PUDP: variants seen among roughly 807,000 people sequenced by gnomAD.
PUDP encodes the protein pseudouridine-5'-phosphatase.
PUDP carries 8 observed loss-of-function variants against 9.4 expected under a neutral mutation model. That is an observed-to-expected ratio of 0.85 (90% CI 0.50 to 1.53). PUDP has a LOEUF of 1.53. Ranked by LOEUF, PUDP falls within the 40% of genes most tolerant of loss-of-function variation. The probability of loss-of-function intolerance (pLI) is 0.00; values close to 1 mark genes in which losing one functional copy is unlikely to be tolerated. For missense variants in PUDP, 188 were observed against 189.7 expected (o/e 0.99, Z 0.05); for synonymous variants, 99 against 80.7 (o/e 1.23, Z -1.22).
intron 1 of PUDP, among the ~76,000 whole-genome samples, chrX:7,036,901 T>C (rs1265285953): frequency 8.9e-6 from 1 of 112,484 alleles, no homozygotes; most frequent in Non-Finnish European, 1.9e-5. Context: ...TATTGCTTCT[T>C]TAAATTCTCA....
chrX:6,904,187 G>C (rs1325343361), intron 3 of PUDP, among the ~76,000 whole-genome samples: 1 of 110,208 alleles, frequency 9.1e-6, no homozygotes, highest in African/African-American at 3.3e-5. Context: ...CCTGGCCTCA[G>C]GTGATCCATC....
intron 3 of PUDP, among the ~76,000 whole-genome samples, chrX:7,055,303 G>C (rs1304868529): frequency 1.8e-5 from 2 of 111,203 alleles, no homozygotes; most frequent in Middle Eastern, 4.2e-3. Context: ...CCAGGCTGGA[G>C]TGCAATGGCA....
chrX:7,147,287 C>T (rs1427171482), intron 1 of PUDP, among the ~76,000 whole-genome samples: 1 of 111,346 alleles, frequency 9.0e-6, no homozygotes, highest in Admixed American at 9.5e-5. Context: ...GTGATGTCCC[C>T]GGTGCTGGTC....
upstream of PUDP, among the ~76,000 whole-genome samples, chrX:6,722,116 C>CA (rs768836556): frequency 6.1e-3 from 591 of 97,486 alleles, 4 homozygotes; most frequent in Non-Finnish European, 0.011. Context: ...ATCGCACTAC[C>CA]AAAAAAAAAA....
chrX:6,728,935 G>C (rs1439878575), intron 3 of PUDP, among the ~76,000 whole-genome samples: 1 of 111,080 alleles, frequency 9.0e-6, no homozygotes, highest in Non-Finnish European at 1.9e-5. Context: ...TTATGACCAT[G>C]ATGGTTCTGA....
intron 1 of PUDP, among the ~76,000 whole-genome samples, chrX:7,141,634 T>C (rs1436765474): frequency 8.8e-6 from 1 of 113,026 alleles, no homozygotes; most frequent in Non-Finnish European, 1.9e-5. Flanking sequence ...CCGATGAAAG[T>C]GGCTACACTA....
At chrX:6,948,368 C>T (rs1928500572) in intron 3 of PUDP, among the ~76,000 whole-genome samples, 1 of 111,986 alleles carries the variant, frequency 8.9e-6, no homozygotes, top group African/African-American at 3.2e-5. Flanking sequence ...CACTGCCCTT[C>T]CAGCCCCTCA....
chrX:7,041,100 G>T, intron 1 of PUDP, among the ~76,000 whole-genome samples: 1 of 112,149 alleles, frequency 8.9e-6, no homozygotes, highest in Non-Finnish European at 1.9e-5. Context: ...GTCATGTTCT[G>T]AGGGGATTTG....
At chrX:6,925,708 A>G (rs1391716755) in intron 3 of PUDP, among the ~76,000 whole-genome samples, 1 of 111,958 alleles carries the variant, frequency 8.9e-6, no homozygotes, top group African/African-American at 3.2e-5. Context: ...GGAGGTGTAC[A>G]TTGGTTTAGT....
chrX:6,833,660 C>A (rs1034502245), intron 3 of PUDP, among the ~76,000 whole-genome samples: 16 of 112,109 alleles, frequency 1.4e-4, no homozygotes, highest in African/African-American at 4.9e-4. Flanking sequence ...GATAGTCTGA[C>A]TGACAGCTAT....
upstream of PUDP, among the ~76,000 whole-genome samples, chrX:6,723,429 T>G (rs1367720708): frequency 4.0e-5 from 2 of 50,442 alleles, no homozygotes; most frequent in East Asian, 5.2e-4. Context: ...AGAGAGGCTC[T>G]GTCAAAAAAA....
chrX:6,736,140 G>GA (rs955955521), intron 3 of PUDP, among the ~76,000 whole-genome samples: 9 of 108,137 alleles, frequency 8.3e-5, no homozygotes, highest in Non-Finnish European at 1.2e-4. Flanking sequence ...CTTCATTCAA[G>GA]AAAAAAAAAC....
intron 3 of PUDP, among the ~76,000 whole-genome samples, chrX:6,845,440 TCAACCTCG>T (rs1247348762): frequency 8.9e-6 from 1 of 111,973 alleles, no homozygotes; most frequent in Non-Finnish European, 1.9e-5. Context: ...TGTATGACAA[TCAACCTCG>T]CAGTCCATTC....
intron 1 of PUDP, among the ~76,000 whole-genome samples, chrX:7,119,752 T>G (rs1396072638): frequency 8.9e-6 from 1 of 112,088 alleles, no homozygotes; most frequent in Non-Finnish European, 1.9e-5. Context: ...CATATTTAAA[T>G]TTAAAAAATC....
chrX:6,941,097 A>G (rs1244503252), intron 3 of PUDP, among the ~76,000 whole-genome samples: 2 of 111,269 alleles, frequency 1.8e-5, no homozygotes, highest in African/African-American at 6.5e-5. Flanking sequence ...TAATGCTACA[A>G]TAGAGTGTAG....
At chrX:6,750,432 C>T (rs1468026833) in intron 3 of PUDP, among the ~76,000 whole-genome samples, 1 of 110,038 alleles carries the variant, frequency 9.1e-6, no homozygotes, top group African/African-American at 3.3e-5. Flanking sequence ...TGCATTACTC[C>T]CAAACGAAGA....
chrX:6,971,545 T>C (rs1037264549), intron 3 of PUDP, among the ~76,000 whole-genome samples: 2 of 106,437 alleles, frequency 1.9e-5, no homozygotes, highest in African/African-American at 6.8e-5. Context: ...GCCTCCCAAG[T>C]AGCTGGGACT....
chrX:6,920,907 G>C (rs1366477797), intron 3 of PUDP, among the ~76,000 whole-genome samples: 1 of 111,123 alleles, frequency 9.0e-6, no homozygotes, highest in Non-Finnish European at 1.9e-5. Flanking sequence ...TTCCTCCTCT[G>C]TTTAAAACCA....
chrX:6,912,727 T>C (rs750515777), intron 3 of PUDP, among the ~76,000 whole-genome samples: 2 of 112,348 alleles, frequency 1.8e-5, no homozygotes, highest in South Asian at 7.4e-4. Flanking sequence ...AAAAGCGAAC[T>C]ATTTTGACTG....
Sources: gnomAD v4.1 joint callset for allele counts (sites outside exome capture counted in the v4.1 genomes callset) on GRCh38, gnomAD v4.1.1 for gene constraint, MANE v1.5 for transcripts, NCBI Gene and HGNC (gene_info 2026-07-23, HGNC 2026-07-21) for gene names.